SPON2: variants seen among roughly 807,000 people sequenced by gnomAD.
SPON2 encodes spondin 2, also known as spondin-2.
In SPON2, 32 loss-of-function variants were observed where a neutral mutation model predicts 29.9. That is an observed-to-expected ratio of 1.07 (90% CI 0.81 to 1.44). The LOEUF (loss-of-function observed/expected upper bound fraction) is 1.44. SPON2 is among the 40% of genes most tolerant of loss of function. The pLI, the probability that SPON2 is intolerant of heterozygous loss-of-function variation, is 0.00. For missense variants in SPON2, 541 were observed against 455.5 expected (o/e 1.19, Z -1.71); for synonymous variants, 248 against 209.1 (o/e 1.19, Z -1.61).
rs2153076235 is a variant in SPON2, at chr4:1,167,283, AG to A, written c.*188del. On this transcript the variant is annotated 3_prime_UTR_variant, in exon 6 of 6. Transcript: ENST00000290902. ...TAAGAAGCAAGGTTGGGAAAGGAGG[AG>A]GCTGTTTCCCAATGCCCGTGCCGGC... 1.8e-6 allele frequency: 1 copy of A among 569,962 alleles called. No homozygotes were observed. The highest frequency in any genetic ancestry group is 3.1e-5 in the East Asian group (1 of 32,780). 35.3% of individuals were successfully genotyped at this position (569,962 alleles called of 1,614,324 possible).
chr4:1,183,918 A>C (rs1454896654), intron 1 of SPON2, among the ~76,000 whole-genome samples: 1 of 152,238 alleles, frequency 6.6e-6, no homozygotes, highest in Non-Finnish European at 1.5e-5. Context: ...CTATAACGCA[A>C]ATAGAAAACA....
At chr4:1,192,212 GCT>G (rs1474087334) in intron 1 of SPON2, among the ~76,000 whole-genome samples, 1 of 152,210 alleles carries the variant, frequency 6.6e-6, no homozygotes, top group Non-Finnish European at 1.5e-5. Context: ...GGCCCCACAT[GCT>G]TTAGCACAGA....
intron 1 of SPON2, among the ~76,000 whole-genome samples, chr4:1,192,837 G>A (rs1308328148): frequency 6.6e-6 from 1 of 152,206 alleles, no homozygotes; most frequent in Non-Finnish European, 1.5e-5. Context: ...CCAGCATCAA[G>A]CCCTCACATC....
upstream of SPON2, chr4:1,199,620 T>C (rs999168272): frequency 2.0e-5 from 3 of 152,232 alleles, no homozygotes; most frequent in Non-Finnish European, 4.4e-5. This position sits in a 1 kb window ranked among gnomAD's most constrained non-coding sequence, Gnocchi z 4.5. Flanking sequence ...AGAGGCGTCA[T>C]TTCTCTCCCA....
chr4:1,173,561 C>T (rs1727528011), upstream of SPON2, among the ~76,000 whole-genome samples: 1 of 152,248 alleles, frequency 6.6e-6, no homozygotes, highest in South Asian at 2.1e-4. Flanking sequence ...GGTCCCCAGT[C>T]ATGGGATCTG....
chr4:1,170,956 C>CG (rs1727415695), intron 4 of SPON2, 43 bp downstream of exon 4: 1 of 1,545,512 alleles, frequency 6.5e-7, no homozygotes, highest in Admixed American at 2.0e-5. Context: ...GTCCCCACCG[C>CG]GGGGGCCATA....
At chr4:1,187,361 T>TG (rs1042035054) in intron 1 of SPON2, among the ~76,000 whole-genome samples, 1 of 152,112 alleles carries the variant, frequency 6.6e-6, no homozygotes, top group Non-Finnish European at 1.5e-5. Flanking sequence ...TGCCAGAAGC[T>TG]GGGGGGAGCA....
chr4:1,175,973 G>T (rs1452754191), upstream of SPON2, among the ~76,000 whole-genome samples: 1 of 152,148 alleles, frequency 6.6e-6, no homozygotes, highest in African/African-American at 2.4e-5. Context: ...GCCTGCGAAG[G>T]CCCTAGGGCA....
At chr4:1,175,780 G>C (rs1354472122), upstream of SPON2, among the ~76,000 whole-genome samples, 1 of 152,114 alleles carries the variant, frequency 6.6e-6, no homozygotes, top group Admixed American at 6.5e-5. Flanking sequence ...TAGGGCAGTG[G>C]TGGGCCTAGG....
intron 1 of SPON2, among the ~76,000 whole-genome samples, chr4:1,185,771 C>CCTAAA (rs1727781741): frequency 7.0e-6 from 1 of 143,700 alleles, no homozygotes. Flanking sequence ...TAACTCAAAA[C>CCTAAA]TGATTAAAGA....
upstream of SPON2, chr4:1,208,440 G>C (rs965629617): frequency 1.3e-5 from 2 of 152,172 alleles, no homozygotes; most frequent in African/African-American, 4.8e-5. Context: ...CGTGCCCGGG[G>C]CGGAAGTCTA....
rs569360118 is a variant in SPON2, at chr4:1,178,248, G to A, written c.-145+1200C>T. Among the ~76,000 whole-genome samples the A allele has an allele frequency of 3.6e-3, 545 of 150,072 alleles. 7 individuals carry two copies. The highest frequency in any genetic ancestry group is 0.013 in the African/African-American group (517 of 40,582). ...CTGCACACACCGAGGGCCTCCCTCC[G>A]GCCAGGCACCATGGGCTCTGCACAC... On this transcript the variant is annotated intron_variant, in intron 2 of 3. Transcript: ENST00000502483.
chr4:1,201,456 G>A (rs1469023834), intron 1 of SPON2: 1 of 201,952 alleles, frequency 5.0e-6, no homozygotes, highest in Non-Finnish European at 1.0e-5. Flanking sequence ...CAGGGAGGGA[G>A]GAGGCCCTGA....
At chr4:1,186,448 C>T (rs939974491) in intron 1 of SPON2, among the ~76,000 whole-genome samples, 4 of 151,956 alleles carry the variant, frequency 2.6e-5, no homozygotes, top group East Asian at 3.9e-4. Context: ...GGATTGCAGG[C>T]GCATGCTGCC....
At chr4:1,201,631 A>G (rs1728208054) in intron 1 of SPON2, among the ~76,000 whole-genome samples, 1 of 150,656 alleles carries the variant, frequency 6.6e-6, no homozygotes, top group South Asian at 2.1e-4. Context: ...CACCCAGGCT[A>G]TAGTGCAGTG....
At chr4:1,184,256 A>G (rs1432283875) in intron 1 of SPON2, among the ~76,000 whole-genome samples, 1 of 152,244 alleles carries the variant, frequency 6.6e-6, no homozygotes, top group Non-Finnish European at 1.5e-5. Context: ...GGCATGAGCC[A>G]CTGCAACTGG....
intron 1 of SPON2, among the ~76,000 whole-genome samples, chr4:1,194,102 G>A (rs1411809095): frequency 2.0e-5 from 3 of 152,088 alleles, no homozygotes; most frequent in South Asian, 2.1e-4. Flanking sequence ...CCCACAGGAC[G>A]TCTCCGGGGA....
chr4:1,170,642 C>T (rs1178063700), intron 4 of SPON2, 66 bp from the exon 5 acceptor site: 6 of 1,525,874 alleles, frequency 3.9e-6, no homozygotes, highest in African/African-American at 1.4e-5. Context: ...TGCGTATGGC[C>T]TCACTGGGGC....
At chr4:1,181,124 TCTTG>T (rs1727693787) in intron 1 of SPON2, among the ~76,000 whole-genome samples, 1 of 151,960 alleles carries the variant, frequency 6.6e-6, no homozygotes, top group African/African-American at 2.4e-5. Context: ...AAAGAGAGAA[TCTTG>T]AAGGCATCAA....
Sources: allele counts gnomAD v4.1 joint callset (sites outside exome capture counted in the v4.1 genomes callset), GRCh38; gene constraint gnomAD v4.1.1; non-coding constraint Gnocchi (gnomAD v3.1); transcripts MANE v1.5; gene names NCBI Gene and HGNC (gene_info 2026-07-23, HGNC 2026-07-21).